Variants in BACH2 observed in about 807,000 individuals in gnomAD.
BACH2 encodes the protein BACH transcriptional regulator 2, also known as transcription regulator protein BACH2.
Under a neutral mutation model 61.8 loss-of-function variants are expected in BACH2, and 5 were observed. The ratio of observed to expected loss-of-function variants is 0.08; its 90% CI spans 0.04 to 0.17. The LOEUF is 0.17. BACH2 is among the 10% of genes least tolerant of loss of function. The pLI is 1.00. For missense variants in BACH2, 824 were observed against 1,091.1 expected, an observed-to-expected ratio of 0.76 and a Z score of 3.45; for synonymous variants, 446 against 440.1, an observed-to-expected ratio of 1.01 and a Z score of -0.17.
At position 89,951,755 on chromosome 6, in the gene BACH2, G is replaced by A; in HGVS notation, c.351C>T (p.Arg117=). 4 of 1,614,248 alleles carry A rather than the reference G, an allele frequency of 2.5e-6. No individual in the cohort carries two copies. The African/African-American group carries it at 4.0e-5, about 16-fold the overall frequency. The part of the protein sequence containing the change: ...REVIRCAEFL[R]MHNLEDSCFS... ...AGCAGGAGTCCTCCAGGTTGTGCAT[G>A]CGCAGGAACTCAGCACAGCGGATGA... is the stretch of plus-strand genomic sequence containing the variant. Residue 117 remains arginine (R), a synonymous_variant, in exon 7 of 9, where the codon CGC becomes CGT. Transcript: ENST00000257749. This position sits in a 1 kb window ranked among gnomAD's most constrained non-coding sequence, Gnocchi z 6.4.
chr6:90,287,566 G>T (rs910280751), intron 1 of BACH2, among the ~76,000 whole-genome samples: 1 of 152,028 alleles, frequency 6.6e-6, no homozygotes. Flanking sequence ...GCAAAAGGCG[G>T]GAAATGCTCA....
chr6:90,066,036 C>T (rs1184681390), intron 5 of BACH2, among the ~76,000 whole-genome samples: 2 of 152,152 alleles, frequency 1.3e-5, no homozygotes, highest in African/African-American at 4.8e-5. Context: ...CACTGCCCTT[C>T]TTTATGCTGC....
chr6:90,218,870 C>A (rs1024176506), intron 3 of BACH2, among the ~76,000 whole-genome samples: 3 of 151,608 alleles, frequency 2.0e-5, no homozygotes, highest in Admixed American at 1.3e-4. Context: ...CCTGTCAAAT[C>A]CACTGGAGTT....
At chr6:90,267,108 T>TC (rs1179015334) in intron 2 of BACH2, among the ~76,000 whole-genome samples, 2 of 151,316 alleles carry the variant, frequency 1.3e-5, no homozygotes, top group African/African-American at 4.9e-5. Flanking sequence ...CTAAGACATC[T>TC]CCCCCCCACC....
At chr6:90,160,549 G>C (rs1785156324) in intron 4 of BACH2, among the ~76,000 whole-genome samples, 1 of 152,204 alleles carries the variant, frequency 6.6e-6, no homozygotes, top group Non-Finnish European at 1.5e-5. Flanking sequence ...TTTACTAGCA[G>C]AGTAGACTCA....
intron 5 of BACH2, among the ~76,000 whole-genome samples, chr6:90,060,131 TA>T (rs553422919): frequency 2.4e-3 from 323 of 133,952 alleles, no homozygotes; most frequent in African/African-American, 5.8e-3. Context: ...ATAATAACAG[TA>T]AAAAAAAAAA....
At chr6:90,087,511 T>C (rs548362220) in intron 5 of BACH2, among the ~76,000 whole-genome samples, 27 of 152,364 alleles carry the variant, frequency 1.8e-4, no homozygotes, top group African/African-American at 6.5e-4. Context: ...TGTGTCCAAA[T>C]GTACATTTGT....
At chr6:90,009,815 C>T (rs1777611376) in intron 5 of BACH2, among the ~76,000 whole-genome samples, 1 of 152,178 alleles carries the variant, frequency 6.6e-6, no homozygotes, top group African/African-American at 2.4e-5. Flanking sequence ...CAGGCATGTG[C>T]CACCGTGCCT....
chr6:90,174,154 T>C (rs1396153155), intron 4 of BACH2, among the ~76,000 whole-genome samples: 1 of 152,062 alleles, frequency 6.6e-6, no homozygotes, highest in East Asian at 1.9e-4. Flanking sequence ...GTCTCATTTA[T>C]GAACATAAAT....
chr6:90,260,414 T>G (rs1364801150), intron 2 of BACH2, among the ~76,000 whole-genome samples: 1 of 152,228 alleles, frequency 6.6e-6, no homozygotes, highest in Non-Finnish European at 1.5e-5. Context: ...TGAAGTTATA[T>G]CTGAAATGAT....
intron 1 of BACH2, among the ~76,000 whole-genome samples, chr6:90,281,003 T>C (rs1771843028): frequency 6.6e-6 from 1 of 152,228 alleles, no homozygotes; most frequent in South Asian, 2.1e-4. Flanking sequence ...CCCCTAAACA[T>C]CTTTATCACA....
In BACH2 at chr6:90,026,776, C is replaced by G. The variant is rs540619021; in HGVS notation, c.-12-17920G>C. 5.9e-5 allele frequency among the ~76,000 whole-genome samples: 9 copies of G among 152,316 alleles called. No individual in the cohort carries two copies. In the South Asian group the frequency reaches 1.9e-3, roughly 32 times the overall value. On this transcript the variant is annotated intron_variant, in intron 5 of 8. Transcript: ENST00000257749. ...AGGCTTGGCAGAAATACAGCTTTCA[C>G]AGAAAAGATTCTTAATAAAAGGAAA... is the stretch of plus-strand genomic sequence containing the variant.
intron 4 of BACH2, among the ~76,000 whole-genome samples, chr6:90,127,741 CTT>C (rs869268113): frequency 1.3e-4 from 20 of 152,276 alleles, no homozygotes; most frequent in African/African-American, 4.6e-4. Flanking sequence ...TGTACAGACT[CTT>C]TGGCTCAGCT....
intron 6 of BACH2, among the ~76,000 whole-genome samples, chr6:89,970,705 C>T (rs927356291): frequency 2.6e-5 from 4 of 152,162 alleles, no homozygotes; most frequent in Admixed American, 2.0e-4. Context: ...TCTGGCCCCC[C>T]CCAGATCTTA....
chr6:90,263,899 G>A (rs937165939), intron 2 of BACH2, among the ~76,000 whole-genome samples: 21 of 152,132 alleles, frequency 1.4e-4, no homozygotes, highest in Admixed American at 1.1e-3. Flanking sequence ...AGTCTAAGTA[G>A]GATGTGGTCA....
chr6:90,068,906 G>A (rs952854406), intron 5 of BACH2, among the ~76,000 whole-genome samples: 9 of 152,034 alleles, frequency 5.9e-5, no homozygotes, highest in Admixed American at 1.3e-4. Context: ...CCCTGGATTC[G>A]CGCCGTAATC....
intron 4 of BACH2, among the ~76,000 whole-genome samples, chr6:90,119,061 T>C (rs760103899): frequency 4.6e-5 from 7 of 152,222 alleles, no homozygotes; most frequent in Non-Finnish European, 7.3e-5. Flanking sequence ...ATTAAATATA[T>C]GTTATCATCC....
At chr6:90,007,587 G>A (rs80302850) in intron 6 of BACH2, among the ~76,000 whole-genome samples, 2,074 of 152,256 alleles carry the variant, frequency 0.014, 51 homozygotes, top group African/African-American at 0.047. Context: ...CCCTGAAGGC[G>A]TCTGGTTTGT....
chr6:90,228,169 G>A (rs1341638165), intron 3 of BACH2, among the ~76,000 whole-genome samples: 2 of 152,190 alleles, frequency 1.3e-5, no homozygotes, highest in Non-Finnish European at 2.9e-5. Context: ...TTTTCCAGTT[G>A]ATTACATTAA....
Sources: allele counts gnomAD v4.1 joint callset (sites outside exome capture counted in the v4.1 genomes callset), GRCh38; gene constraint gnomAD v4.1.1; non-coding constraint Gnocchi (gnomAD v3.1); transcripts MANE v1.5; gene names NCBI Gene and HGNC (gene_info 2026-07-23, HGNC 2026-07-21).